Variants in ISOC2 observed in about 807,000 individuals in gnomAD.
ISOC2 encodes isochorismatase domain-containing protein 2.
ISOC2 carries 15 observed loss-of-function variants against 19.3 expected under a neutral mutation model. That is an observed-to-expected ratio of 0.78 (90% CI 0.52 to 1.20). ISOC2 has a LOEUF of 1.20. Ranked by LOEUF, ISOC2 falls within the 50% of genes most tolerant of loss-of-function variation. The probability of loss-of-function intolerance (pLI) is 0.00; values close to 1 mark genes in which losing one functional copy is unlikely to be tolerated. For synonymous variants in ISOC2, 106 were observed against 115.8 expected, an observed-to-expected ratio of 0.92 and a Z score of 0.54; for missense variants, 285 against 272.4, an observed-to-expected ratio of 1.05 and a Z score of -0.33.
At chr19:55,457,831 CAAA>C (rs58948220) in intron 1 of ISOC2, among the ~76,000 whole-genome samples, 5 of 122,374 alleles carry the variant, frequency 4.1e-5, no homozygotes, top group East Asian at 2.5e-4. Context: ...AACTCCATCT[CAAA>C]AAAAAAAAAA....
intron 5 of ISOC2, chr19:55,453,640 C>T (rs1489366711): frequency 6.1e-6 from 2 of 326,030 alleles, no homozygotes; most frequent in Non-Finnish European, 1.1e-5. Flanking sequence ...CAGCTCTGTG[C>T]TGGGGCTTCC....
intron 1 of ISOC2, 36 bp downstream of exon 1, chr19:55,461,476 G>C (rs922383528): frequency 2.0e-5 from 3 of 152,244 alleles, no homozygotes; most frequent in African/African-American, 7.2e-5. Context: ...GGTAAGGTCG[G>C]TCTCCAAATA....
At chr19:55,456,802 T>C (rs1453908128) in intron 1 of ISOC2, among the ~76,000 whole-genome samples, 1 of 152,164 alleles carries the variant, frequency 6.6e-6, no homozygotes, top group African/African-American at 2.4e-5. Flanking sequence ...AAGGAGTGCT[T>C]CATGATCCCG....
At chr19:55,454,638 G>C (rs1342796227) in intron 5 of ISOC2, 2 of 286,778 alleles carry the variant, frequency 7.0e-6, no homozygotes, top group Non-Finnish European at 1.3e-5. Flanking sequence ...TATCTAGAGG[G>C]TCTCTGCTGA....
chr19:55,454,870 C>T, intron 5 of ISOC2, 119 bp downstream of exon 5: 1 of 765,794 alleles, frequency 1.3e-6, no homozygotes, highest in East Asian at 2.4e-5. Flanking sequence ...AGCCTCCCCT[C>T]CAAGAACCTG....
At chr19:55,461,054 G>C in intron 1 of ISOC2, among the ~76,000 whole-genome samples, 1 of 152,110 alleles carries the variant, frequency 6.6e-6, no homozygotes. Flanking sequence ...TGAAGGGGAG[G>C]TCTGGGCTGG....
intron 1 of ISOC2, chr19:55,457,021 G>C (rs11673666): frequency 0.14 from 21,854 of 154,504 alleles, 1,786 homozygotes; most frequent in South Asian, 0.24. Context: ...AGGCTCTGCT[G>C]GGCGTCCTCC....
At chr19:55,458,772 C>T (rs138570277) in intron 1 of ISOC2, among the ~76,000 whole-genome samples, 49 of 151,958 alleles carry the variant, frequency 3.2e-4, no homozygotes, top group African/African-American at 1.1e-3. Flanking sequence ...GTGATCCACC[C>T]GCCTCAGTCT....
At chr19:55,453,646 C>T (rs1985946470) in intron 5 of ISOC2, 1 of 315,472 alleles carries the variant, frequency 3.2e-6, no homozygotes, top group Non-Finnish European at 5.8e-6. Flanking sequence ...TGTGCTGGGG[C>T]TTCCTGTCTA....
rs750871377 is a variant in ISOC2, at chr19:55,455,046, G to C, written c.480C>G (p.Thr160=). The C allele has an allele frequency of 2.5e-6, 4 of 1,613,656 alleles. No homozygotes were observed. The highest frequency in any genetic ancestry group is 3.4e-6 in the Non-Finnish European group (4 of 1,180,018). The change falls in exon 5 of 6, where the codon ACC becomes ACG. Residue 160 remains threonine, a synonymous_variant. Transcript: ENST00000425675. ...CAAGCTGCAGAATGAGCCCTTCGCT[G>C]GTGGAGAGGAAGGCACCACTCTGTC... ...RMRQSGAFLS[T]SEGLILQLVG...
Position 55,453,143 on chromosome 19 carries a change from T to G in ISOC2, c.*165A>C. 1.9e-6 allele frequency: 1 copy of G among 530,292 alleles called. No homozygotes were observed. Among genetic ancestry groups the G allele is most frequent in the Non-Finnish European group, 3.4e-6 (1 of 297,740 alleles). The allele number at this position is 530,292 out of a possible 1,614,324, so 32.8% of individuals were successfully genotyped here. ...AGTTTCCAGGAGTCTCATTTGCATTTCCGGGAGCAGCTGTCCAATGGGAAG... is the reference window on the plus strand; with the variant it reads ...AGTTTCCAGGAGTCTCATTTGCATTGCCGGGAGCAGCTGTCCAATGGGAAG... On this transcript the variant is annotated 3_prime_UTR_variant, in exon 6 of 6. Transcript: ENST00000425675.
chr19:55,456,537 A>G, intron 1 of ISOC2, 48 bp from the exon 2 acceptor site: 1 of 1,601,106 alleles, frequency 6.2e-7, no homozygotes, highest in Non-Finnish European at 8.5e-7. Flanking sequence ...GGCTCCTCTC[A>G]GTGTCTCCAG....
At chr19:55,458,583 T>C (rs538742133) in intron 1 of ISOC2, among the ~76,000 whole-genome samples, 293 of 151,368 alleles carry the variant, frequency 1.9e-3, no homozygotes, top group Non-Finnish European at 3.1e-3. Flanking sequence ...GGCTGGAGTG[T>C]AGTGGCGCGA....
chr19:55,454,667 C>G, intron 5 of ISOC2: 1 of 370,008 alleles, frequency 2.7e-6, no homozygotes. Flanking sequence ...TCCCCAGTGT[C>G]CGCCTGGTCA....
In ISOC2 at chr19:55,455,801, G is replaced by A; in HGVS notation, c.183C>T (p.Tyr61=). The A allele has an allele frequency of 1.9e-6, 3 of 1,558,536 alleles. No individual in the cohort carries two copies. Among genetic ancestry groups the A allele is most frequent in the Non-Finnish European group, 1.7e-6 (2 of 1,151,160 alleles). Residue 61 remains tyrosine, a synonymous_variant, in exon 3 of 6, where the codon TAC becomes TAT. Transcript: ENST00000425675. ...GCACCGTGGGGCCCAGGCCTTGTGG[G>A]TACTGCTCCGTCAGCATGACTGGCA... ...LEVPVMLTEQ[Y]PQGLGPTVPE... is the part of the protein sequence containing the mutation.
chr19:55,455,761 C>A lies in ISOC2; in HGVS notation c.223G>T (p.Glu75Ter), dbSNP rs1419150102. The A allele has an allele frequency of 1.9e-6, 3 of 1,587,322 alleles. No homozygotes were observed. The highest frequency in any genetic ancestry group is 2.6e-6 in the Non-Finnish European group (3 of 1,167,452). ...LGPTVPELGT[E>*]GLRPLAKTCF... ...GTCTTGGCCAGCGGCCGAAGGCCCT[C>A]AGTCCCCAGCTCGGGCACCGTGGGG... Residue 75 changes from glutamate (E) to a stop codon, truncating the protein, a stop_gained, in exon 3 of 6, where the codon GAG becomes TAG. Transcript: ENST00000425675. LOFTEE classifies it high-confidence loss of function.
intron 5 of ISOC2, chr19:55,454,724 C>A: frequency 1.9e-6 from 1 of 524,524 alleles, no homozygotes; most frequent in Non-Finnish European, 3.4e-6. Context: ...AGGATGCCCC[C>A]CAGACCCTCC....
At chr19:55,456,088 G>A (rs902238419) in intron 2 of ISOC2, 2 of 598,956 alleles carry the variant, frequency 3.3e-6, no homozygotes, top group East Asian at 2.9e-5. Flanking sequence ...GGATCCCTGG[G>A]TCTGAAGGAA....
At chr19:55,460,326 G>A (rs1986194158) in intron 1 of ISOC2, among the ~76,000 whole-genome samples, 1 of 152,210 alleles carries the variant, frequency 6.6e-6, no homozygotes, top group Non-Finnish European at 1.5e-5. Context: ...AGAAAAAAGG[G>A]AGAGGAAAAT....
Sources: allele counts gnomAD v4.1 joint callset (sites outside exome capture counted in the v4.1 genomes callset), GRCh38; gene constraint gnomAD v4.1.1; transcripts MANE v1.5; gene names NCBI Gene and HGNC (gene_info 2026-07-23, HGNC 2026-07-21).